MAGI1: variants seen among roughly 807,000 people sequenced by gnomAD.
MAGI1 encodes membrane associated guanylate kinase, WW and PDZ domain containing 1, also known as membrane-associated guanylate kinase, WW and PDZ domain-containing protein 1.
A neutral mutation model predicts 139.9 loss-of-function variants in MAGI1; 58 were observed. The observed-to-expected ratio is 0.41, with a 90% CI of 0.34 to 0.52. The LOEUF (loss-of-function observed/expected upper bound fraction) is 0.52, where lower values mean the gene tolerates loss of function less well. MAGI1 is among the 20% of genes least tolerant of loss of function. The pLI, the probability that MAGI1 is intolerant of heterozygous loss-of-function variation, is 0.12. For synonymous variants in MAGI1, 812 were observed against 737.9 expected (o/e 1.10, Z -1.63); for missense variants, 1,874 against 1,901.6 (o/e 0.99, Z 0.27).
In MAGI1 at chr3:65,463,911, CAT is replaced by C. The variant is rs757055620; in HGVS notation, c.959+6370_959+6371del. On this transcript the variant is annotated intron_variant, in intron 5 of 22. Transcript: ENST00000402939. ...TCTTCTAGATTTTCTAGTTTATTTG[CAT>C]AGAGGTATTTATACTATTCTCTGAT... Among the ~76,000 whole-genome samples, 27 of 152,252 alleles carry C rather than the reference CAT, an allele frequency of 1.8e-4. 1 individual carries two copies. The South Asian group carries it at 2.7e-3, about 15-fold the overall frequency.
intron 1 of MAGI1, among the ~76,000 whole-genome samples, chr3:65,684,868 ATTTTTTTT>A (rs761948943): frequency 6.1e-5 from 6 of 98,182 alleles, no homozygotes; most frequent in African/African-American, 2.8e-4. Flanking sequence ...CACCTGGCTA[ATTTTTTTT>A]TTTTTTTTTT....
intron 1 of MAGI1, among the ~76,000 whole-genome samples, chr3:65,669,407 T>G (rs943407663): frequency 1.2e-4 from 18 of 152,186 alleles, no homozygotes; most frequent in Non-Finnish European, 2.6e-4. Context: ...AAGTTTTCCC[T>G]GGCATTTTTC....
chr3:65,786,635 A>T (rs539292367), intron 1 of MAGI1, among the ~76,000 whole-genome samples: 2 of 141,304 alleles, frequency 1.4e-5, no homozygotes, highest in Non-Finnish European at 3.1e-5. Flanking sequence ...TTTCTTAAAC[A>T]GAGTCTTGCT....
At chr3:65,426,505 A>G (rs1947053942) in intron 12 of MAGI1, among the ~76,000 whole-genome samples, 1 of 152,178 alleles carries the variant, frequency 6.6e-6, no homozygotes, top group South Asian at 2.1e-4. Context: ...AATTCCTGAG[A>G]CTCATGGAAC....
intron 2 of MAGI1, among the ~76,000 whole-genome samples, chr3:65,545,534 A>G (rs1171720514): frequency 6.6e-6 from 1 of 152,182 alleles, no homozygotes; most frequent in East Asian, 1.9e-4. Context: ...CCCATAGTGA[A>G]GTAAAACTTC....
At chr3:65,918,102 T>C (rs768076077) in intron 1 of MAGI1, among the ~76,000 whole-genome samples, 35 of 151,390 alleles carry the variant, frequency 2.3e-4, no homozygotes, top group Non-Finnish European at 4.4e-4. Context: ...ACGAAGTCTA[T>C]TGTTTTTAAA....
intron 2 of MAGI1, chr3:65,609,714 T>C: frequency 4.2e-6 from 1 of 237,884 alleles, no homozygotes; most frequent in Non-Finnish European, 9.0e-6. Context: ...CCTATTGAAT[T>C]GCTAGAACTG....
In MAGI1 at chr3:65,714,182, T is replaced by C. The variant is rs552794082; in HGVS notation, c.314-92094A>G. On this transcript the variant is annotated intron_variant, in intron 1 of 22. Transcript: ENST00000402939. The stretch of plus-strand genomic sequence containing the variant: ...ACACAGACGTTCCGTAACTGGCAGT[T>C]ATTATCAATATGACACATGAAAGTG... Among the ~76,000 whole-genome samples the C allele has an allele frequency of 5.9e-5, 9 of 152,290 alleles. No individual in the cohort carries two copies. The South Asian group carries it at 1.7e-3, about 28-fold the overall frequency.
At chr3:65,379,202 A>G (rs765952368) in intron 17 of MAGI1, 59 bp downstream of exon 17, 2 of 1,605,178 alleles carry the variant, frequency 1.2e-6, no homozygotes, top group South Asian at 1.1e-5. Context: ...CACTCGCAAG[A>G]GAACAAAAAC....
chr3:65,839,934 G>A (rs2058749544), intron 1 of MAGI1, among the ~76,000 whole-genome samples: 1 of 152,086 alleles, frequency 6.6e-6, no homozygotes, highest in African/African-American at 2.4e-5. Flanking sequence ...CTCATTTATT[G>A]TCTTTAATTA....
At chr3:65,505,451 C>A (rs1443327880) in intron 2 of MAGI1, among the ~76,000 whole-genome samples, 1 of 151,034 alleles carries the variant, frequency 6.6e-6, no homozygotes, top group Non-Finnish European at 1.5e-5. Flanking sequence ...TCAAGACCAG[C>A]CTATGCAAAT....
At chr3:65,509,489 T>C (rs1175125742) in intron 2 of MAGI1, among the ~76,000 whole-genome samples, 2 of 152,144 alleles carry the variant, frequency 1.3e-5, no homozygotes, top group Non-Finnish European at 2.9e-5. Context: ...ACTGCCTCAC[T>C]TGGGAAGCGC....
intron 1 of MAGI1, among the ~76,000 whole-genome samples, chr3:65,642,184 T>A (rs945748004): frequency 6.6e-6 from 1 of 152,080 alleles, no homozygotes; most frequent in African/African-American, 2.4e-5. Context: ...GTGAGCTGGG[T>A]AATTATCTCG....
chr3:65,873,491 T>C (rs953287681), intron 1 of MAGI1: 3 of 152,238 alleles, frequency 2.0e-5, no homozygotes, highest in Non-Finnish European at 4.4e-5. Flanking sequence ...CTTCTCCTTA[T>C]CTGAGCAAGG....
At chr3:65,763,052 T>C (rs998691114) in intron 1 of MAGI1, among the ~76,000 whole-genome samples, 1 of 152,180 alleles carries the variant, frequency 6.6e-6, no homozygotes, top group Non-Finnish European at 1.5e-5. Flanking sequence ...TTCAAGGGGA[T>C]ATCTGCAGTG....
At chr3:65,377,039 G>C (rs1942604624) in intron 17 of MAGI1, among the ~76,000 whole-genome samples, 1 of 152,182 alleles carries the variant, frequency 6.6e-6, no homozygotes, top group Non-Finnish European at 1.5e-5. Context: ...TATGAAGGTA[G>C]TTATGCAGTT....
At chr3:65,782,430 AG>A (rs2039006040) in intron 1 of MAGI1, among the ~76,000 whole-genome samples, 1 of 152,180 alleles carries the variant, frequency 6.6e-6, no homozygotes, top group African/African-American at 2.4e-5. Context: ...GTTTTAGCCC[AG>A]CATCACCAGT....
chr3:65,713,358 T>C (rs1226512675), intron 1 of MAGI1, among the ~76,000 whole-genome samples: 1 of 152,326 alleles, frequency 6.6e-6, no homozygotes, highest in African/African-American at 2.4e-5. Context: ...AAGAGAGCCT[T>C]GTATTTGAGT....
chr3:65,662,519 T>C (rs2086256910), intron 1 of MAGI1, among the ~76,000 whole-genome samples: 1 of 152,240 alleles, frequency 6.6e-6, no homozygotes, highest in Admixed American at 6.5e-5. Flanking sequence ...CAATCACTGA[T>C]CTAAATAGAA....
Sources: gnomAD v4.1 joint callset for allele counts (sites outside exome capture counted in the v4.1 genomes callset) on GRCh38, gnomAD v4.1.1 for gene constraint, MANE v1.5 for transcripts, NCBI Gene and HGNC (gene_info 2026-07-23, HGNC 2026-07-21) for gene names.